The following VEPH1 variants were observed in gnomAD, a reference collection of about 807,000 sequenced individuals.
VEPH1 encodes the protein ventricular zone-expressed PH domain-containing protein homolog 1.
A neutral mutation model predicts 85.2 loss-of-function variants in VEPH1; 80 were observed. The ratio of observed to expected loss-of-function variants is 0.94; its 90% CI spans 0.78 to 1.13. The LOEUF (loss-of-function observed/expected upper bound fraction) is 1.13, where lower values mean the gene tolerates loss of function less well. VEPH1 is among the 50% of genes most tolerant of loss of function. The pLI, the probability that VEPH1 is intolerant of heterozygous loss-of-function variation, is 0.00. For synonymous variants in VEPH1, 297 were observed against 348.0 expected, an observed-to-expected ratio of 0.85 and a Z score of 1.63; for missense variants, 955 against 980.5, an observed-to-expected ratio of 0.97 and a Z score of 0.35.
chr3:157,475,427 T>C (rs1367905921), intron 2 of VEPH1, among the ~76,000 whole-genome samples: 2 of 152,234 alleles, frequency 1.3e-5, no homozygotes, highest in African/African-American at 2.4e-5. Flanking sequence ...TAAAGTGATA[T>C]GATAGATACA....
intron 4 of VEPH1, chr3:157,437,464 C>T (rs1450851231): frequency 4.5e-6 from 7 of 1,565,450 alleles, no homozygotes; most frequent in Non-Finnish European, 5.2e-6. Flanking sequence ...AAAGCACATC[C>T]AAGGCAGGCC....
intron 9 of VEPH1, among the ~76,000 whole-genome samples, chr3:157,322,547 G>T (rs1337829138): frequency 1.3e-5 from 2 of 152,176 alleles, no homozygotes; most frequent in Non-Finnish European, 1.5e-5. Flanking sequence ...TATTAGAAAT[G>T]AAATTTTTAT....
At chr3:157,430,750 G>C (rs1733085268) in intron 4 of VEPH1, among the ~76,000 whole-genome samples, 1 of 152,196 alleles carries the variant, frequency 6.6e-6, no homozygotes, top group African/African-American at 2.4e-5. Context: ...TATGTCCCTA[G>C]GAGTTGACTT....
At chr3:157,479,847 A>G (rs1737850544) in intron 2 of VEPH1, among the ~76,000 whole-genome samples, 1 of 152,234 alleles carries the variant, frequency 6.6e-6, no homozygotes, top group Non-Finnish European at 1.5e-5. Context: ...GAAAGGATTT[A>G]CAACAGTGTC....
rs977780334 is a variant in VEPH1 at position 157,394,632 on chromosome 3, C to T, written c.907-13256G>A. ...AGGGAGCTTTACTCATGGCAGAAGG[C>T]AAAGCAGGAGTAGGCAGATCACATG... On this transcript the variant is annotated intron_variant, in intron 6 of 13. Coordinates refer to ENST00000362010, the MANE Select transcript of VEPH1 (RefSeq NM_001167912.2). Among the ~76,000 whole-genome samples the T allele has an allele frequency of 3.9e-5, 6 of 152,068 alleles. 1 individual carries two copies. The South Asian group carries it at 6.2e-4, about 16-fold the overall frequency.
intron 4 of VEPH1, chr3:157,442,257 G>A (rs1480143246): frequency 1.3e-5 from 13 of 1,039,980 alleles, no homozygotes; most frequent in Non-Finnish European, 1.8e-5. Context: ...GTTTCACATA[G>A]CTTTCAATTG....
At chr3:157,267,967 A>G (rs1475148972) in intron 12 of VEPH1, among the ~76,000 whole-genome samples, 2 of 152,192 alleles carry the variant, frequency 1.3e-5, no homozygotes, top group Non-Finnish European at 2.9e-5. Flanking sequence ...AAGACCCCCA[A>G]TCTTCTGAGA....
chr3:157,459,159 G>C (rs1304878517), intron 4 of VEPH1, among the ~76,000 whole-genome samples: 2 of 152,212 alleles, frequency 1.3e-5, no homozygotes, highest in African/African-American at 4.8e-5. Context: ...TCAGCACAAA[G>C]ACTGCCATCA....
At position 157,413,950 on chromosome 3, in the gene VEPH1, A is replaced by C. The variant is rs1404423205; in HGVS notation, c.837T>G (p.Ile279Met). The C allele has an allele frequency of 6.2e-7, 1 of 1,613,586 alleles. No individual in the cohort carries two copies. The highest frequency in any genetic ancestry group is 8.5e-7 in the Non-Finnish European group (1 of 1,179,756). ...LNSFLPMLKE[I>M]GERFPYLTGQ... ...CAGTGAGGTAGGGGAATCTCTCACC[A>C]ATCTCTTTCAGCATTGGAAGAAAAC... is the stretch of plus-strand genomic sequence containing the variant. The change falls in exon 6 of 14, where the codon ATT becomes ATG. Residue 279 changes from isoleucine to methionine, a missense_variant. Physicochemically the swap from Ile to Met is conservative, Grantham distance 10 (BLOSUM62 1). Coordinates refer to ENST00000362010, the MANE Select transcript of VEPH1 (RefSeq NM_001167912.2).
chr3:157,366,670 G>A (rs62278601), intron 7 of VEPH1, among the ~76,000 whole-genome samples: 34,729 of 152,012 alleles, frequency 0.23, 4,777 homozygotes, highest in Admixed American at 0.43. Flanking sequence ...GGGAGGCAGA[G>A]GTTGCAGTGA....
At chr3:157,460,426 A>C in intron 3 of VEPH1, 71 bp from the exon 4 acceptor site, 1 of 1,517,622 alleles carries the variant, frequency 6.6e-7, no homozygotes, top group Non-Finnish European at 8.9e-7. Flanking sequence ...TCACTCATTC[A>C]AAAAATATTT....
chr3:157,360,770 G>A (rs1472780446), intron 9 of VEPH1, among the ~76,000 whole-genome samples: 1 of 152,082 alleles, frequency 6.6e-6, no homozygotes, highest in Non-Finnish European at 1.5e-5. Context: ...GGTTTCTACT[G>A]AATGTATATG....
chr3:157,458,890 T>C (rs1041451773), intron 4 of VEPH1, among the ~76,000 whole-genome samples: 4 of 152,202 alleles, frequency 2.6e-5, no homozygotes, highest in Admixed American at 2.6e-4. Context: ...CTTCCCCCAC[T>C]GATTATTTTT....
chr3:157,352,317 C>A (rs961095300), intron 9 of VEPH1, among the ~76,000 whole-genome samples: 8 of 152,188 alleles, frequency 5.3e-5, no homozygotes, highest in African/African-American at 1.7e-4. Context: ...TTCCCCTCTA[C>A]ATTGAGTAAA....
At chr3:157,460,575 C>T (rs746142726) in intron 3 of VEPH1, among the ~76,000 whole-genome samples, 2 of 152,160 alleles carry the variant, frequency 1.3e-5, no homozygotes, top group Non-Finnish European at 1.5e-5. Flanking sequence ...AAACTGATGA[C>T]AGCCGAGATG....
At chr3:157,326,337 C>T (rs542692476) in intron 9 of VEPH1, among the ~76,000 whole-genome samples, 9 of 152,106 alleles carry the variant, frequency 5.9e-5, no homozygotes, top group African/African-American at 1.2e-4. Flanking sequence ...ATCTGGCTGT[C>T]GAGTGATGGT....
chr3:157,490,122 T>C (rs1347202589), intron 2 of VEPH1, among the ~76,000 whole-genome samples: 1 of 151,986 alleles, frequency 6.6e-6, no homozygotes, highest in African/African-American at 2.4e-5. Flanking sequence ...TACATAATGA[T>C]GTTAATTTTC....
chr3:157,453,786 T>C (rs1249294681), intron 4 of VEPH1, among the ~76,000 whole-genome samples: 7 of 152,174 alleles, frequency 4.6e-5, no homozygotes, highest in Admixed American at 4.6e-4. Context: ...TTTGATGGGC[T>C]CATGTGAGTG....
chr3:157,383,363 A>G (rs1038529541), intron 6 of VEPH1, among the ~76,000 whole-genome samples: 2 of 152,234 alleles, frequency 1.3e-5, no homozygotes, highest in African/African-American at 4.8e-5. Flanking sequence ...CTTCTCAGTC[A>G]TCAGTCATCA....
Sources: allele counts gnomAD v4.1 joint callset (sites outside exome capture counted in the v4.1 genomes callset), GRCh38; gene constraint gnomAD v4.1.1; transcripts MANE v1.5; gene names NCBI Gene and HGNC (gene_info 2026-07-23, HGNC 2026-07-21).